Variants in VPS13B observed in about 807,000 individuals in gnomAD.
The protein encoded by VPS13B is vacuolar protein sorting 13 homolog B.
A neutral mutation model predicts 426.4 loss-of-function variants in VPS13B; 285 were observed. That is an observed-to-expected ratio of 0.67 (90% confidence interval 0.61 to 0.74). The LOEUF is 0.74. VPS13B is among the 30% of genes least tolerant of loss of function. VPS13B has a pLI of 0.00. For missense variants in VPS13B, 4,537 were observed against 4,782.6 expected, an observed-to-expected ratio of 0.95 and a Z score of 1.51; for synonymous variants, 1,676 against 1,676.4, an observed-to-expected ratio of 1.00 and a Z score of 0.01.
At chr8:99,636,516 T>C in intron 33 of VPS13B, among the ~76,000 whole-genome samples, 1 of 152,002 alleles carries the variant, frequency 6.6e-6, no homozygotes, top group East Asian at 1.9e-4. Context: ...ATGGAATCAA[T>C]ATCCCAGTTT....
intron 3 of VPS13B, among the ~76,000 whole-genome samples, chr8:99,081,939 T>C (rs1374789341): frequency 6.6e-6 from 1 of 152,190 alleles, no homozygotes; most frequent in East Asian, 1.9e-4. Flanking sequence ...CATGTGTCTT[T>C]ATAGCAGCAT....
At chr8:99,395,028 G>A (rs920205538) in intron 21 of VPS13B, among the ~76,000 whole-genome samples, 6 of 152,174 alleles carry the variant, frequency 3.9e-5, no homozygotes, top group African/African-American at 1.4e-4. Context: ...CCCAGTTTCT[G>A]GACATTGGAC....
At chr8:99,053,859 C>T (rs571106321) in intron 3 of VPS13B, among the ~76,000 whole-genome samples, 20 of 152,072 alleles carry the variant, frequency 1.3e-4, no homozygotes, top group African/African-American at 4.6e-4. Context: ...ACTACCACCA[C>T]CCCCGGCTAA....
intron 31 of VPS13B, among the ~76,000 whole-genome samples, chr8:99,573,382 T>C (rs924198168): frequency 4.6e-5 from 7 of 152,240 alleles, no homozygotes; most frequent in African/African-American, 1.7e-4. Context: ...CCCATGCCTA[T>C]GTCCTGAAAG....
At chr8:99,456,922 G>A (rs1818491312) in intron 23 of VPS13B, among the ~76,000 whole-genome samples, 1 of 152,060 alleles carries the variant, frequency 6.6e-6, no homozygotes, top group Non-Finnish European at 1.5e-5. Context: ...TGTGGAATTG[G>A]TAGAACTTTT....
chr8:99,719,353 A>G (rs960947325), intron 37 of VPS13B, among the ~76,000 whole-genome samples: 2 of 152,188 alleles, frequency 1.3e-5, no homozygotes, highest in African/African-American at 2.4e-5. Flanking sequence ...TCCCCGTTTG[A>G]CTTTTCACCT....
At chr8:99,244,921 G>A (rs1817133425) in intron 17 of VPS13B, among the ~76,000 whole-genome samples, 1 of 152,190 alleles carries the variant, frequency 6.6e-6, no homozygotes, top group Admixed American at 6.5e-5. Flanking sequence ...ATGGATGCAT[G>A]TATGTGTAGG....
chr8:99,112,352 C>T (rs1235148753), intron 6 of VPS13B, among the ~76,000 whole-genome samples: 2 of 152,016 alleles, frequency 1.3e-5, no homozygotes, highest in Non-Finnish European at 2.9e-5. Flanking sequence ...TTGAGTATGG[C>T]TGTATAAAAA....
intron 19 of VPS13B, among the ~76,000 whole-genome samples, chr8:99,329,066 G>GT (rs1810427031): frequency 6.6e-6 from 1 of 152,042 alleles, no homozygotes. Flanking sequence ...GCCTATATAT[G>GT]TAAGTACCCT....
At chr8:99,610,159 GT>G (rs1311791913) in intron 33 of VPS13B, among the ~76,000 whole-genome samples, 1 of 152,128 alleles carries the variant, frequency 6.6e-6, no homozygotes, top group Non-Finnish European at 1.5e-5. Flanking sequence ...ATATGCTGTT[GT>G]TTTGATCATA....
Position 99,818,894 on chromosome 8 carries a change from A to G in VPS13B, c.8621+6A>G, listed in dbSNP as rs766934830. 9.3e-6 allele frequency: 15 copies of G among 1,612,832 alleles called. No individual in the cohort carries two copies. The highest frequency in any genetic ancestry group is 2.2e-5 in the East Asian group (1 of 44,818). On this transcript the variant is annotated splice_donor_region_variant and intron_variant, in intron 47 of 61. Transcript: ENST00000357162. ...CACCTGACATTCCAAGCAAGGTACTAGAAAAATCCTTCCATACATTTTACA... is the reference window on the plus strand; with the variant it reads ...CACCTGACATTCCAAGCAAGGTACTGGAAAAATCCTTCCATACATTTTACA...
At chr8:99,571,013 A>G (rs537159561) in intron 31 of VPS13B, among the ~76,000 whole-genome samples, 74 of 152,322 alleles carry the variant, frequency 4.9e-4, no homozygotes, top group African/African-American at 1.7e-3. Context: ...CAAGACAGGC[A>G]AACTTTCTTA....
intron 19 of VPS13B, among the ~76,000 whole-genome samples, chr8:99,316,357 C>T (rs1809657081): frequency 6.6e-6 from 1 of 152,148 alleles, no homozygotes; most frequent in Non-Finnish European, 1.5e-5. Context: ...GGCTTTTTGG[C>T]CCCAGGTTAT....
intron 33 of VPS13B, among the ~76,000 whole-genome samples, chr8:99,613,286 C>T (rs1827920529): frequency 6.6e-6 from 1 of 152,188 alleles, no homozygotes; most frequent in Non-Finnish European, 1.5e-5. Flanking sequence ...TTGCTGATGC[C>T]TCACATAGTA....
chr8:99,487,073 G>A (rs1190078890), intron 25 of VPS13B, among the ~76,000 whole-genome samples: 3 of 148,800 alleles, frequency 2.0e-5, no homozygotes, highest in African/African-American at 7.5e-5. Context: ...CACTTCCTCT[G>A]TCTCCTGCCA....
intron 8 of VPS13B, among the ~76,000 whole-genome samples, chr8:99,132,053 C>T (rs559484600): frequency 3.9e-5 from 6 of 152,216 alleles, no homozygotes; most frequent in South Asian, 2.1e-4. Context: ...TGCACCACCA[C>T]GCTTGGCTAA....
At chr8:99,724,961 A>G (rs1043987155) in intron 39 of VPS13B, among the ~76,000 whole-genome samples, 5 of 152,196 alleles carry the variant, frequency 3.3e-5, no homozygotes, top group African/African-American at 1.2e-4. Flanking sequence ...AAACTGGCCT[A>G]TCTGGCATTC....
intron 43 of VPS13B, chr8:99,796,981 G>A (rs534946623): frequency 6.6e-6 from 1 of 152,328 alleles, no homozygotes; most frequent in African/African-American, 2.4e-5. Flanking sequence ...GGTTAAGCCA[G>A]ATCCAAACAG....
chr8:99,138,385 C>T (rs1239998556), intron 12 of VPS13B, among the ~76,000 whole-genome samples: 1 of 152,194 alleles, frequency 6.6e-6, no homozygotes, highest in Non-Finnish European at 1.5e-5. Context: ...CCTTGGCTTC[C>T]CAAAGTGCTG....
Sources: allele counts gnomAD v4.1 joint callset (sites outside exome capture counted in the v4.1 genomes callset), GRCh38; gene constraint gnomAD v4.1.1; transcripts MANE v1.5; gene names NCBI Gene and HGNC (gene_info 2026-07-23, HGNC 2026-07-21).